The following CHL1 variants were observed in gnomAD, a reference collection of about 807,000 sequenced individuals.
CHL1 encodes neural cell adhesion molecule L1-like protein.
Under a neutral mutation model 141.9 loss-of-function variants are expected in CHL1, and 96 were observed. The ratio of observed to expected loss-of-function variants is 0.68; its 90% confidence interval spans 0.57 to 0.80. The LOEUF is 0.80. CHL1 is among the 30% of genes least tolerant of loss of function. CHL1 has a pLI of 0.00. For synonymous variants in CHL1, 613 were observed against 502.2 expected, an observed-to-expected ratio of 1.22 and a Z score of -2.95; for missense variants, 1,820 against 1,457.2, an observed-to-expected ratio of 1.25 and a Z score of -4.05.
intron 1 of CHL1, among the ~76,000 whole-genome samples, chr3:231,858 T>C (rs1701897944): frequency 6.6e-6 from 1 of 152,162 alleles, no homozygotes; most frequent in Non-Finnish European, 1.5e-5. Flanking sequence ...ATTACAGGCA[T>C]GAACTACCAC....
chr3:249,642 C>T (rs1411744452), intron 2 of CHL1, among the ~76,000 whole-genome samples: 2 of 152,056 alleles, frequency 1.3e-5, no homozygotes, highest in Admixed American at 1.3e-4. Flanking sequence ...TATTTGTAGC[C>T]CTTCAAATGC....
chr3:242,406 C>G (rs536489952), intron 1 of CHL1, among the ~76,000 whole-genome samples: 1 of 140,364 alleles, frequency 7.1e-6, no homozygotes, highest in South Asian at 2.5e-4. Context: ...ACCATCCTGG[C>G]TAACACGGTG....
At chr3:371,289 C>G (rs976038950) in intron 15 of CHL1, among the ~76,000 whole-genome samples, 2 of 152,096 alleles carry the variant, frequency 1.3e-5, no homozygotes, top group Non-Finnish European at 2.9e-5. Context: ...CTGGGTGCTC[C>G]TGTATTGGAT....
intron 2 of CHL1, 96 bp from the exon 3 acceptor site, chr3:319,587 A>G: frequency 2.0e-6 from 1 of 506,042 alleles, no homozygotes; most frequent in Non-Finnish European, 3.4e-6. Flanking sequence ...ACATACTGCC[A>G]AACCAAAAAA....
intron 5 of CHL1, among the ~76,000 whole-genome samples, chr3:337,820 A>C (rs781049985): frequency 1.8e-4 from 28 of 152,272 alleles, no homozygotes; most frequent in South Asian, 8.3e-4. Flanking sequence ...GTGAATAGTG[A>C]CACAATAAAC....
intron 2 of CHL1, chr3:248,482 G>T (rs970685974): frequency 6.6e-6 from 1 of 151,894 alleles, no homozygotes; most frequent in Non-Finnish European, 1.5e-5. Flanking sequence ...TTTTATTGAG[G>T]TATAACTGAT....
rs769872997 is a variant in CHL1 at position 289,931 on chromosome 3, C to CTTT, written c.-94-29733_-94-29731dup. ...CATAGATACATTGCTCCACTGGTAT[C>CTTT]TTTTTTTTTTTTTTTTTTTTTGAGA... On this transcript the variant is annotated intron_variant, in intron 2 of 27. Coordinates refer to ENST00000256509, the MANE Select transcript of CHL1 (RefSeq NM_006614.4). 5.9e-3 allele frequency among the ~76,000 whole-genome samples: 611 copies of CTTT among 102,712 alleles called. 17 individuals carry two copies. Among genetic ancestry groups the CTTT allele is most frequent in the African/African-American group, 0.014 (362 of 25,602 alleles). The allele number at this position is 102,712 out of a possible 152,430, so 67.4% of individuals were successfully genotyped here. A position where few individuals can be genotyped will look rare whatever the true frequency, so the allele number is the denominator to read the frequency against.
intron 7 of CHL1, among the ~76,000 whole-genome samples, chr3:342,573 A>G (rs1702424591): frequency 6.6e-6 from 1 of 152,200 alleles, no homozygotes; most frequent in Non-Finnish European, 1.5e-5. Flanking sequence ...AGAGGGAGGA[A>G]GAACCGTAAG....
chr3:378,314 G>T (rs1249298620), intron 16 of CHL1, among the ~76,000 whole-genome samples: 1 of 152,138 alleles, frequency 6.6e-6, no homozygotes. Flanking sequence ...CTCGATAGGG[G>T]TCAAGAGGTG....
intron 15 of CHL1, among the ~76,000 whole-genome samples, chr3:368,752 T>C (rs1335381859): frequency 6.6e-6 from 1 of 152,198 alleles, no homozygotes; most frequent in African/African-American, 2.4e-5. Flanking sequence ...CTTTAATTCA[T>C]CTTGAATTAA....
intron 5 of CHL1, among the ~76,000 whole-genome samples, chr3:332,422 G>C (rs1701512632): frequency 6.6e-6 from 1 of 152,114 alleles, no homozygotes; most frequent in South Asian, 2.1e-4. Context: ...AAATGGAAGT[G>C]GGGGTTGAGA....
At chr3:226,774 C>G (rs1046951126) in intron 1 of CHL1, among the ~76,000 whole-genome samples, 4 of 151,354 alleles carry the variant, frequency 2.6e-5, no homozygotes, top group East Asian at 3.9e-4. Flanking sequence ...TTATTTTTCT[C>G]CAATCTTTTA....
intron 2 of CHL1, among the ~76,000 whole-genome samples, chr3:288,336 G>A (rs929515362): frequency 7.8e-6 from 1 of 128,432 alleles, no homozygotes; most frequent in Admixed American, 7.8e-5. Flanking sequence ...AACACATGTC[G>A]AATTTACATA....
Position 382,160 on chromosome 3 carries a change from C to G in CHL1, c.1877-19C>G. On this transcript the variant is annotated intron_variant, in intron 16 of 27. Transcript: ENST00000256509. ...AAACAAAGGCAATTATCTACATTTT[C>G]CCTTCCTTTATTAATTAGATGTTCC... 6.3e-7 allele frequency: 1 copy of G among 1,593,268 alleles called. No homozygotes were observed. Among genetic ancestry groups the G allele is most frequent in the South Asian group, 1.1e-5 (1 of 90,234 alleles).
chr3:201,688 A>G (rs1285294543), intron 1 of CHL1, among the ~76,000 whole-genome samples: 1 of 152,234 alleles, frequency 6.6e-6, no homozygotes, highest in African/African-American at 2.4e-5. Context: ...GATGATAAGA[A>G]TGATAAATGC....
intron 5 of CHL1, among the ~76,000 whole-genome samples, chr3:337,514 CT>C (rs1312751129): frequency 4.0e-5 from 6 of 150,984 alleles, no homozygotes; most frequent in East Asian, 2.0e-4. Context: ...TATCCCTCCC[CT>C]CTCCCCCCAC....
At chr3:206,478 A>G (rs1030451785) in intron 1 of CHL1, among the ~76,000 whole-genome samples, 1 of 151,848 alleles carries the variant, frequency 6.6e-6, no homozygotes, top group Admixed American at 6.6e-5. Flanking sequence ...AAAAATCTTA[A>G]TGCAACTTTG....
At chr3:227,698 G>A (rs1003840380) in intron 1 of CHL1, among the ~76,000 whole-genome samples, 2 of 152,170 alleles carry the variant, frequency 1.3e-5, no homozygotes, top group Non-Finnish European at 2.9e-5. Flanking sequence ...CAGGCAAATC[G>A]TTCTTTGTAC....
At chr3:220,320 G>A (rs1700719219) in intron 1 of CHL1, among the ~76,000 whole-genome samples, 1 of 152,130 alleles carries the variant, frequency 6.6e-6, no homozygotes, top group Non-Finnish European at 1.5e-5. Flanking sequence ...ACATTACAGT[G>A]AAGTCAGGAG....
Sources: allele counts gnomAD v4.1 joint callset (sites outside exome capture counted in the v4.1 genomes callset), GRCh38; gene constraint gnomAD v4.1.1; transcripts MANE v1.5; gene names NCBI Gene and HGNC (gene_info 2026-07-23, HGNC 2026-07-21).